NLRP13: variants seen among roughly 807,000 people sequenced by gnomAD.
The protein encoded by NLRP13 is NACHT, LRR and PYD domains-containing protein 13.
A neutral mutation model predicts 94.4 loss-of-function variants in NLRP13; 82 were observed. The observed-to-expected ratio is 0.87, with a 90% confidence interval of 0.73 to 1.04. NLRP13 has a LOEUF of 1.04. NLRP13 is among the 50% of genes least tolerant of loss of function. The pLI, the probability that NLRP13 is intolerant of heterozygous loss-of-function variation, is 0.00. For missense variants in NLRP13, 1,426 were observed against 1,230.8 expected (o/e 1.16, Z -2.37); for synonymous variants, 553 against 464.7 (o/e 1.19, Z -2.45).
intron 4 of NLRP13, among the ~76,000 whole-genome samples, 169 bp downstream of exon 4, chr19:55,923,745 G>C (rs1331329472): frequency 3.3e-5 from 5 of 152,078 alleles, no homozygotes; most frequent in African/African-American, 9.7e-5. Flanking sequence ...GGTTGGACCT[G>C]GCATTTTTCA....
At chr19:55,927,557 G>A (rs1393211648) in intron 1 of NLRP13, among the ~76,000 whole-genome samples, 1 of 151,976 alleles carries the variant, frequency 6.6e-6, no homozygotes, top group Admixed American at 6.6e-5. Context: ...TCCTTGGGTG[G>A]GGTAGAGGGT....
At chr19:55,901,586 C>T (rs368165427) in intron 9 of NLRP13, among the ~76,000 whole-genome samples, 292 of 152,168 alleles carry the variant, frequency 1.9e-3, no homozygotes, top group Middle Eastern at 3.4e-3. Flanking sequence ...GGAAGGGGAG[C>T]GGTACTGTGG....
At chr19:55,894,793 T>A (rs984840450), downstream of NLRP13, among the ~76,000 whole-genome samples, 2 of 152,132 alleles carry the variant, frequency 1.3e-5, no homozygotes, top group South Asian at 2.1e-4. Context: ...AGAGTCGGTA[T>A]TGAAAAAGAA....
intron 1 of NLRP13, among the ~76,000 whole-genome samples, chr19:55,929,712 G>T (rs927393742): frequency 6.6e-6 from 1 of 152,156 alleles, no homozygotes; most frequent in Non-Finnish European, 1.5e-5. Flanking sequence ...ACAATGGCAT[G>T]TGTCTACCTA....
In NLRP13 at chr19:55,898,917, G is replaced by C; in HGVS notation, c.2810C>G (p.Thr937Arg). ...AGCCAGCTCTCCACAGCCCTCTCTT[G>C]TGAAAGAACAACCTGACAAACTGCA... Reference protein sequence around the residue: ...QSLNLSGCSFTREGCGELANA... With the variant: ...QSLNLSGCSFRREGCGELANA... Residue 937 changes from threonine (T) to arginine (R), a missense_variant, in exon 10 of 11, where the codon ACA becomes AGA. Thr to Arg is a moderately conservative substitution (Grantham distance 71). Coordinates refer to ENST00000342929, the MANE Select transcript of NLRP13 (RefSeq NM_176810.2). 3 of 1,605,168 alleles carry C rather than the reference G, an allele frequency of 1.9e-6. No homozygotes were observed.
Position 55,932,236 on chromosome 19 carries a change from G to A in NLRP13, c.76C>T (p.Gln26Ter). The A allele has an allele frequency of 3.1e-6, 5 of 1,613,300 alleles. No individual in the cohort carries two copies. Among genetic ancestry groups the A allele is most frequent in the Non-Finnish European group, 4.2e-6 (5 of 1,179,760 alleles). ...AGCTTGAATTCCTCCAGCTGATACTGATCCAGGGCCATCAGGTAAGGCAGA... is the reference window on the plus strand; with the variant it reads ...AGCTTGAATTCCTCCAGCTGATACTAATCCAGGGCCATCAGGTAAGGCAGA... Reference protein sequence around the residue: ...GLLPYLMALDQYQLEEFKLCL... With the variant: ...GLLPYLMALD The change falls in exon 1 of 11, where the codon CAG becomes TAG. Residue 26 changes from glutamine (Q) to a stop codon, truncating the protein, a stop_gained. Coordinates refer to ENST00000342929, the MANE Select transcript of NLRP13 (RefSeq NM_176810.2). LOFTEE classifies it high-confidence loss of function.
downstream of NLRP13, among the ~76,000 whole-genome samples, chr19:55,893,544 A>G (rs1232808282): frequency 6.6e-6 from 1 of 152,092 alleles, no homozygotes; most frequent in African/African-American, 2.4e-5. Context: ...CCCTAGCCTT[A>G]CCCACAGATG....
intron 9 of NLRP13, among the ~76,000 whole-genome samples, chr19:55,901,071 A>G (rs1310198493): frequency 6.6e-6 from 1 of 152,174 alleles, no homozygotes; most frequent in Non-Finnish European, 1.5e-5. Context: ...GCCCTGGTAG[A>G]CCACACTTGG....
chr19:55,905,102 A>AT lies in NLRP13; in HGVS notation c.2457dup (p.Cys820MetfsTer29). 6.2e-7 allele frequency: 1 copy of AT among 1,613,700 alleles called. No homozygotes were observed. ...TGACAGCTGGCTGCCGACAAGTTGC[A>AT]TTTCTCCAGGCTGTGGAAGGTGCAG... On this transcript the variant is annotated frameshift_variant, in exon 8 of 11. Coordinates refer to ENST00000342929, the MANE Select transcript of NLRP13 (RefSeq NM_176810.2). LOFTEE classifies it high-confidence loss of function.
chr19:55,901,341 C>T (rs773871960), intron 9 of NLRP13, among the ~76,000 whole-genome samples: 5 of 152,218 alleles, frequency 3.3e-5, no homozygotes, highest in Non-Finnish European at 4.4e-5. Flanking sequence ...ACCACACAAT[C>T]TCAACTAGAC....
Position 55,912,240 on chromosome 19 carries a change from T to C in NLRP13, c.1577A>G (p.Asn526Ser), listed in dbSNP as rs377419386. 15 of 1,614,044 alleles carry C rather than the reference T, an allele frequency of 9.3e-6. No homozygotes were observed. In the African/African-American group the frequency reaches 1.2e-4, roughly 13 times the overall value. Residue 526 changes from asparagine to serine, a missense_variant, in exon 5 of 11, where the codon AAT becomes AGT. Transcript: ENST00000342929. ...LYEFNILQKI[N>S]DCGGCTTFTH... ...GAAAGTAGTGCAACCCCCACAGTCA[T>C]TGATCTTTTGAAGAATATTGAACTC...
chr19:55,896,146 A>G lies in NLRP13; in HGVS notation c.2958-27T>C, dbSNP rs1388603372. On this transcript the variant is annotated intron_variant, in intron 10 of 10. Transcript: ENST00000342929. ...TAGGGGCGGGTGGGAAGAAAGCACAACAGATAGTCCTCTGAGACTGGGAAG... is the reference window on the plus strand; with the variant it reads ...TAGGGGCGGGTGGGAAGAAAGCACAGCAGATAGTCCTCTGAGACTGGGAAG... The G allele has an allele frequency of 1.9e-6, 3 of 1,611,442 alleles. No individual in the cohort carries two copies. The African/African-American group carries it at 4.0e-5, about 22-fold the overall frequency.
chr19:55,900,034 TAATAA>T (rs377566047), intron 9 of NLRP13, among the ~76,000 whole-genome samples: 121 of 151,566 alleles, frequency 8.0e-4, no homozygotes, highest in African/African-American at 2.8e-3. Flanking sequence ...ATTGCTAACA[TAATAA>T]ATTTCAAATA....
At chr19:55,927,972 C>T (rs1369685078) in intron 1 of NLRP13, among the ~76,000 whole-genome samples, 2 of 152,194 alleles carry the variant, frequency 1.3e-5, no homozygotes, top group African/African-American at 4.8e-5. Context: ...GCATATCCCA[C>T]AACACTGGTC....
At position 55,911,319 on chromosome 19, in the gene NLRP13, C is replaced by A. The variant is rs1986502958; in HGVS notation, c.2111+387G>T. Reference sequence around the variant, plus strand: ...TGATCTCTGCTTGCTGCAACTTCTGCCTCCTTGGCTCAAGCAATCCTCCCA... The same window carrying A: ...TGATCTCTGCTTGCTGCAACTTCTGACTCCTTGGCTCAAGCAATCCTCCCA... On this transcript the variant is annotated intron_variant, in intron 5 of 10. Transcript: ENST00000342929. Among the ~76,000 whole-genome samples the A allele has an allele frequency of 4.6e-5, 7 of 152,256 alleles. No homozygotes were observed. In the South Asian group the frequency reaches 1.2e-3, roughly 27 times the overall value.
Position 55,925,051 on chromosome 19 carries a change from A to G in NLRP13, c.320-16T>C, listed in dbSNP as rs1000596780. ...TGCACATTCTCTGAAACAAACAGTG[A>G]TGATGACATATGAGAATACCCAGAC... On this transcript the variant is annotated splice_polypyrimidine_tract_variant and intron_variant, in intron 1 of 10. Transcript: ENST00000342929. 3 of 1,611,592 alleles carry G rather than the reference A, an allele frequency of 1.9e-6. No homozygotes were observed. In the South Asian group the frequency reaches 3.3e-5, roughly 18 times the overall value.
chr19:55,907,953 G>A lies in NLRP13; in HGVS notation c.2286C>T (p.Cys762=), dbSNP rs369454908. Reference sequence around the variant, plus strand: ...GAACCCACTCAGGAGTTACCGATTTGCACCTGAGGAAGGGAAGGGACATGA... The same window carrying A: ...GAACCCACTCAGGAGTTACCGATTTACACCTGAGGAAGGGAAGGGACATGA... ...NPRCKVQKLT[C]KSVTPEWVLQ... Residue 762 remains cysteine, a synonymous_variant, in exon 7 of 11, where the codon TGC becomes TGT. Transcript: ENST00000342929. The A allele has an allele frequency of 3.1e-6, 5 of 1,593,448 alleles. No individual in the cohort carries two copies. In the African/African-American group the frequency reaches 4.0e-5, roughly 13 times the overall value.
chr19:55,924,040 A>G, intron 3 of NLRP13, 61 bp from the exon 4 acceptor site: 1 of 1,325,894 alleles, frequency 7.5e-7, no homozygotes. Flanking sequence ...GGCCACAATG[A>G]TAAAGACTCT....
intron 4 of NLRP13, among the ~76,000 whole-genome samples, chr19:55,914,237 C>A (rs535009739): frequency 6.6e-6 from 1 of 152,132 alleles, no homozygotes; most frequent in Non-Finnish European, 1.5e-5. Context: ...ATTGAGCTAG[C>A]GATTCTTAGA....
Sources: gnomAD v4.1 joint callset for allele counts (sites outside exome capture counted in the v4.1 genomes callset) on GRCh38, gnomAD v4.1.1 for gene constraint, MANE v1.5 for transcripts, NCBI Gene and HGNC (gene_info 2026-07-23, HGNC 2026-07-21) for gene names.